The following KPNA1 variants were observed in gnomAD, a reference collection of about 807,000 sequenced individuals.
KPNA1 encodes the protein importin subunit alpha-5.
In KPNA1, 10 loss-of-function variants were observed where a neutral mutation model predicts 70.5. That is an observed-to-expected ratio of 0.14 (90% CI 0.09 to 0.24). The LOEUF is 0.24. Ranked by LOEUF, KPNA1 falls within the 10% of genes least tolerant of loss-of-function variation. The probability of loss-of-function intolerance (pLI) is 1.00; values close to 1 mark genes in which losing one functional copy is unlikely to be tolerated. For synonymous variants in KPNA1, 192 were observed against 221.9 expected, an observed-to-expected ratio of 0.87 and a Z score of 1.20; for missense variants, 397 against 637.9, an observed-to-expected ratio of 0.62 and a Z score of 4.07.
intron 1 of KPNA1, among the ~76,000 whole-genome samples, chr3:122,501,654 A>G (rs202035584): frequency 7.9e-5 from 12 of 152,190 alleles, no homozygotes; most frequent in Admixed American, 7.2e-4. Flanking sequence ...TGGAAAACAC[A>G]TATTTCCAGG....
At chr3:122,444,709 G>T (rs1162495712) in intron 9 of KPNA1, among the ~76,000 whole-genome samples, 1 of 152,180 alleles carries the variant, frequency 6.6e-6, no homozygotes, top group Non-Finnish European at 1.5e-5. Context: ...AATATTTGCT[G>T]TTCTGCAATA....
At chr3:122,486,573 T>A (rs1338490681) in intron 2 of KPNA1, among the ~76,000 whole-genome samples, 1 of 152,004 alleles carries the variant, frequency 6.6e-6, no homozygotes, top group East Asian at 1.9e-4. Context: ...TGAAAGTATC[T>A]ATGTTAAAGT....
At chr3:122,445,748 C>T (rs960005790) in intron 9 of KPNA1, among the ~76,000 whole-genome samples, 1 of 151,946 alleles carries the variant, frequency 6.6e-6, no homozygotes, top group Non-Finnish European at 1.5e-5. Context: ...GAGTCAAGAC[C>T]CATCAGTGTG....
At chr3:122,460,141 G>C in intron 5 of KPNA1, 7 of 985,296 alleles carry the variant, frequency 7.1e-6, no homozygotes, top group Non-Finnish European at 8.4e-6. Flanking sequence ...AAGCCTTTGA[G>C]ATTAGATCCT....
chr3:122,482,039 A>C (rs1169678737), intron 2 of KPNA1, among the ~76,000 whole-genome samples: 2 of 152,224 alleles, frequency 1.3e-5, no homozygotes, highest in East Asian at 1.9e-4. Flanking sequence ...CCTTAATCTC[A>C]TAAAATACAC....
rs187770131 is a variant in KPNA1, at chr3:122,488,650, G to A, written c.129+7787C>T. On this transcript the variant is annotated intron_variant, in intron 2 of 13. Transcript: ENST00000344337. ...TATTTTACTTCTGTCTCAGTGCAAC[G>A]TCTGGGGGTGAAGAATTCTTTAGTT... Among the ~76,000 whole-genome samples, 8 of 152,312 alleles carry A rather than the reference G, an allele frequency of 5.3e-5. No individual in the cohort carries two copies. The East Asian group carries it at 9.6e-4, about 18-fold the overall frequency.
intron 1 of KPNA1, among the ~76,000 whole-genome samples, chr3:122,514,036 C>G (rs2076986131): frequency 6.6e-6 from 1 of 152,344 alleles, no homozygotes; most frequent in East Asian, 1.9e-4. Flanking sequence ...TCCTTGACTC[C>G]AGTCATCCTT....
chr3:122,468,153 G>A (rs2076402145), intron 2 of KPNA1, among the ~76,000 whole-genome samples: 1 of 152,126 alleles, frequency 6.6e-6, no homozygotes. Flanking sequence ...AAACCACAGA[G>A]TAGTGATATC....
intron 1 of KPNA1, among the ~76,000 whole-genome samples, chr3:122,511,503 T>TA (rs1194488878): frequency 6.6e-6 from 1 of 151,906 alleles, no homozygotes; most frequent in Non-Finnish European, 1.5e-5. Flanking sequence ...GTAACATCTT[T>TA]AAAAAAAAGA....
chr3:122,457,322 A>T (rs2076275145), intron 5 of KPNA1, among the ~76,000 whole-genome samples: 1 of 152,170 alleles, frequency 6.6e-6, no homozygotes, highest in African/African-American at 2.4e-5. Context: ...CATATGCATA[A>T]AGTTATGATA....
At chr3:122,427,232 A>C in intron 13 of KPNA1, 60 bp from the exon 14 acceptor site, 1 of 1,207,456 alleles carries the variant, frequency 8.3e-7, no homozygotes, top group East Asian at 2.4e-5. Flanking sequence ...TGGAAATTCC[A>C]TAACTATATA....
At chr3:122,473,144 T>C (rs1309225310) in intron 2 of KPNA1, among the ~76,000 whole-genome samples, 1 of 152,090 alleles carries the variant, frequency 6.6e-6, no homozygotes, top group African/African-American at 2.4e-5. Flanking sequence ...ATCACCTAGA[T>C]AAAATGAACC....
chr3:122,471,311 AC>A (rs1158095090), intron 2 of KPNA1, among the ~76,000 whole-genome samples: 4 of 152,186 alleles, frequency 2.6e-5, no homozygotes, highest in African/African-American at 9.7e-5. Flanking sequence ...CAAAATGCAA[AC>A]TGTTTTGCTT....
intron 5 of KPNA1, chr3:122,459,422 A>C (rs1351908944): frequency 1.0e-6 from 1 of 985,418 alleles, no homozygotes; most frequent in East Asian, 1.1e-4. Flanking sequence ...CAGCATGAAC[A>C]AAATAATTTT....
intron 2 of KPNA1, among the ~76,000 whole-genome samples, chr3:122,489,477 T>C (rs1315813849): frequency 6.6e-6 from 1 of 152,064 alleles, no homozygotes; most frequent in African/African-American, 2.4e-5. Flanking sequence ...TATCTTTTGG[T>C]AGACTCGTTA....
chr3:122,506,601 A>G (rs1417223645), intron 1 of KPNA1, among the ~76,000 whole-genome samples: 1 of 152,222 alleles, frequency 6.6e-6, no homozygotes, highest in African/African-American at 2.4e-5. Context: ...ACCCTTCAAT[A>G]AAGCTTTTCC....
rs1458877716 is a variant in KPNA1, at chr3:122,496,479, C to T, written c.87G>A (p.Glu29=). Residue 29 remains glutamate (E), a synonymous_variant, in exon 2 of 14, where the codon GAG becomes GAA. Transcript: ENST00000344337. The part of the protein sequence containing the change: ...LNPDEMRRRR[E]EEGLQLRKQK... ...GCTTTCGTAACTGCAGTCCTTCTTC[C>T]TCCCTCCTCCTGCGCATCTCATCGG... The T allele has an allele frequency of 6.2e-7, 1 of 1,613,844 alleles. No homozygotes were observed. Among genetic ancestry groups the T allele is most frequent in the Middle Eastern group, 1.7e-4 (1 of 6,058 alleles).
At chr3:122,484,091 T>C (rs1013392585) in intron 2 of KPNA1, among the ~76,000 whole-genome samples, 2 of 152,224 alleles carry the variant, frequency 1.3e-5, no homozygotes, top group African/African-American at 4.8e-5. Flanking sequence ...ACTTTGTTAA[T>C]GTACTGCAAA....
intron 2 of KPNA1, among the ~76,000 whole-genome samples, chr3:122,486,529 C>T (rs141496600): frequency 6.6e-6 from 1 of 152,042 alleles, no homozygotes; most frequent in South Asian, 2.1e-4. Context: ...ATGGTTTTCA[C>T]AGACTGTCAA....
Sources: gnomAD v4.1 joint callset for allele counts (sites outside exome capture counted in the v4.1 genomes callset) on GRCh38, gnomAD v4.1.1 for gene constraint, MANE v1.5 for transcripts, NCBI Gene and HGNC (gene_info 2026-07-23, HGNC 2026-07-21) for gene names.